The following MYRIP variants were observed in gnomAD, a reference collection of about 807,000 sequenced individuals.
MYRIP encodes rab effector MyRIP.
A neutral mutation model predicts 98.0 loss-of-function variants in MYRIP; 49 were observed. The ratio of observed to expected loss-of-function variants is 0.50; its 90% CI spans 0.40 to 0.63. The LOEUF (loss-of-function observed/expected upper bound fraction) is 0.63, where lower values mean the gene tolerates loss of function less well. MYRIP is among the 30% of genes least tolerant of loss of function. MYRIP has a pLI of 0.00. For synonymous variants in MYRIP, 404 were observed against 409.5 expected (o/e 0.99, Z 0.16); for missense variants, 1,004 against 1,058.2 (o/e 0.95, Z 0.71).
chr3:40,182,423 G>A (rs1443055981), intron 9 of MYRIP, 50 bp downstream of exon 9: 3 of 1,570,162 alleles, frequency 1.9e-6, no homozygotes, highest in East Asian at 4.6e-5. Context: ...CAAAAGTGTG[G>A]TTTGGAGACA....
intron 2 of MYRIP, among the ~76,000 whole-genome samples, chr3:39,962,020 C>T (rs554315700): frequency 2.6e-4 from 39 of 152,122 alleles, no homozygotes; most frequent in African/African-American, 8.7e-4. Flanking sequence ...CTTTATAAGG[C>T]CAGTTAAGAG....
At chr3:39,902,077 C>G (rs1031678492) in intron 2 of MYRIP, among the ~76,000 whole-genome samples, 1 of 152,160 alleles carries the variant, frequency 6.6e-6, no homozygotes, top group Non-Finnish European at 1.5e-5. Flanking sequence ...TCAAGGACGT[C>G]CCCAAGGTTT....
chr3:39,893,248 A>G (rs942461678), intron 1 of MYRIP, among the ~76,000 whole-genome samples: 5 of 152,160 alleles, frequency 3.3e-5, no homozygotes, highest in Non-Finnish European at 7.4e-5. Flanking sequence ...TCCTGTGCTC[A>G]TCCCCAGGTT....
At chr3:40,005,257 G>C (rs745680269) in intron 2 of MYRIP, among the ~76,000 whole-genome samples, 26 of 152,156 alleles carry the variant, frequency 1.7e-4, no homozygotes, top group African/African-American at 3.1e-4. Flanking sequence ...GTGTTCACCT[G>C]CTCCTGCATA....
chr3:40,003,003 C>T (rs930485629), intron 2 of MYRIP, among the ~76,000 whole-genome samples: 3 of 149,054 alleles, frequency 2.0e-5, no homozygotes, highest in African/African-American at 7.4e-5. Flanking sequence ...GGTATATATA[C>T]ATGTATAAAT....
chr3:40,048,220 G>A (rs371129552), intron 3 of MYRIP, among the ~76,000 whole-genome samples: 4 of 152,076 alleles, frequency 2.6e-5, no homozygotes, highest in East Asian at 3.9e-4. Context: ...TTACACAGAT[G>A]ACCACTTTTG....
At chr3:40,093,125 G>C (rs890580033) in intron 3 of MYRIP, among the ~76,000 whole-genome samples, 12 of 152,144 alleles carry the variant, frequency 7.9e-5, no homozygotes, top group African/African-American at 2.9e-4. Context: ...GTTTTATTAG[G>C]GGACTTACAT....
At chr3:39,853,002 G>A (rs915130257) in intron 1 of MYRIP, among the ~76,000 whole-genome samples, 3 of 152,110 alleles carry the variant, frequency 2.0e-5, no homozygotes, top group Non-Finnish European at 4.4e-5. Context: ...GGGTGATCTC[G>A]AACTCCTGAC....
intron 2 of MYRIP, among the ~76,000 whole-genome samples, chr3:39,915,761 A>C (rs1022023488): frequency 4.2e-5 from 2 of 47,796 alleles, no homozygotes; most frequent in African/African-American, 2.0e-4. Context: ...GCCAGGCCAA[A>C]AAAAAAAAAT....
chr3:39,957,568 TATC>T (rs1945200767), intron 2 of MYRIP, among the ~76,000 whole-genome samples: 1 of 152,032 alleles, frequency 6.6e-6, no homozygotes. Context: ...CCACAGCCAA[TATC>T]ATACTGAAAG....
intron 2 of MYRIP, among the ~76,000 whole-genome samples, chr3:39,957,639 C>T (rs552007533): frequency 2.2e-4 from 34 of 152,272 alleles, no homozygotes; most frequent in African/African-American, 8.2e-4. Context: ...TGCCCTCTCT[C>T]ACCACTCCTA....
chr3:39,931,495 T>G (rs1156371532), intron 2 of MYRIP, among the ~76,000 whole-genome samples: 1 of 152,102 alleles, frequency 6.6e-6, no homozygotes, highest in Non-Finnish European at 1.5e-5. Context: ...ACTTCTTTTC[T>G]TCTCTTAATT....
chr3:40,253,015 T>C (rs1178586009), intron 16 of MYRIP, among the ~76,000 whole-genome samples: 2 of 152,162 alleles, frequency 1.3e-5, no homozygotes, highest in Non-Finnish European at 2.9e-5. Context: ...TATTACTTAA[T>C]AGAAGCAATA....
At chr3:39,866,012 C>T (rs1022428358) in intron 1 of MYRIP, among the ~76,000 whole-genome samples, 4 of 152,042 alleles carry the variant, frequency 2.6e-5, no homozygotes, top group Non-Finnish European at 4.4e-5. Flanking sequence ...AATGAGATTA[C>T]GTCCTTTGTA....
At chr3:39,949,737 G>C (rs183104057) in intron 2 of MYRIP, among the ~76,000 whole-genome samples, 1 of 152,120 alleles carries the variant, frequency 6.6e-6, no homozygotes, top group African/African-American at 2.4e-5. Flanking sequence ...CAGATGGTTT[G>C]CTATCATATT....
intron 3 of MYRIP, among the ~76,000 whole-genome samples, chr3:40,095,534 G>A (rs377492037): frequency 6.6e-6 from 1 of 152,186 alleles, no homozygotes; most frequent in African/African-American, 2.4e-5. Flanking sequence ...TGTTTTAAAG[G>A]TAGTCATGGG....
chr3:39,893,837 G>A (rs1441220521), intron 1 of MYRIP, among the ~76,000 whole-genome samples: 2 of 151,962 alleles, frequency 1.3e-5, no homozygotes, highest in African/African-American at 4.8e-5. Context: ...CTTCATAGCA[G>A]TATGGTATTC....
chr3:40,034,550 A>G (rs1947334569), intron 2 of MYRIP, among the ~76,000 whole-genome samples: 1 of 151,220 alleles, frequency 6.6e-6, no homozygotes, highest in Admixed American at 6.6e-5. Context: ...TTAGAATGGC[A>G]ATCATTAAAA....
At chr3:39,872,724 A>G (rs1942842370) in intron 1 of MYRIP, among the ~76,000 whole-genome samples, 1 of 151,874 alleles carries the variant, frequency 6.6e-6, no homozygotes, top group Non-Finnish European at 1.5e-5. Flanking sequence ...CATTTTCTTA[A>G]TCCAGTCTAT....
Sources: allele counts gnomAD v4.1 joint callset (sites outside exome capture counted in the v4.1 genomes callset), GRCh38; gene constraint gnomAD v4.1.1; transcripts MANE v1.5; gene names NCBI Gene and HGNC (gene_info 2026-07-23, HGNC 2026-07-21).